HRH2: variants seen among roughly 807,000 people sequenced by gnomAD.
The protein encoded by HRH2 is histamine receptor H2.
HRH2 carries 4 observed loss-of-function variants against 20.1 expected under a neutral mutation model. The observed-to-expected ratio is 0.20, with a 90% CI of 0.10 to 0.45. The LOEUF (loss-of-function observed/expected upper bound fraction) is 0.45. Among genes scored for constraint, HRH2 ranks in the 20% least tolerant of loss-of-function variants. The pLI is 0.99. For missense variants in HRH2, 250 were observed against 461.6 expected, an observed-to-expected ratio of 0.54 and a Z score of 4.20; for synonymous variants, 197 against 200.7, an observed-to-expected ratio of 0.98 and a Z score of 0.16.
At chr5:175,660,928 C>T (rs1400955584) in intron 1 of HRH2, among the ~76,000 whole-genome samples, 7 of 152,100 alleles carry the variant, frequency 4.6e-5, no homozygotes, top group African/African-American at 1.7e-4. Context: ...TATTCCAAGA[C>T]TCCTCATTAC....
intron 2 of HRH2, among the ~76,000 whole-genome samples, chr5:175,695,462 A>G (rs1188208375): frequency 6.6e-6 from 1 of 152,094 alleles, no homozygotes; most frequent in African/African-American, 2.4e-5. Context: ...ACCCTTCCCT[A>G]TTGTTGCATC....
At chr5:175,664,877 ATCT>A (rs1409867529) in intron 1 of HRH2, among the ~76,000 whole-genome samples, 2 of 152,070 alleles carry the variant, frequency 1.3e-5, no homozygotes, top group Non-Finnish European at 2.9e-5. Flanking sequence ...GGCTCAAGAG[ATCT>A]TCTTGCCGTG....
intron 1 of HRH2, among the ~76,000 whole-genome samples, chr5:175,659,270 G>A (rs1257529454): frequency 6.6e-6 from 1 of 152,130 alleles, no homozygotes; most frequent in East Asian, 1.9e-4. Flanking sequence ...CAGCACCTCA[G>A]TTTCCTTATT....
chr5:175,658,232 C>T (rs1310999262), intron 1 of HRH2, 77 bp downstream of exon 1: 1 of 151,932 alleles, frequency 6.6e-6, no homozygotes, highest in Non-Finnish European at 1.5e-5. Context: ...CCGGCGTGGG[C>T]TGGCGGAGCC....
intron 1 of HRH2, among the ~76,000 whole-genome samples, chr5:175,667,077 A>G (rs1038789722): frequency 1.3e-5 from 2 of 152,116 alleles, no homozygotes; most frequent in African/African-American, 4.8e-5. Flanking sequence ...TATATTATAC[A>G]TACTATTTTG....
Position 175,683,632 on chromosome 5 carries a change from T to G in HRH2, c.399T>G (p.Val133=). The G allele has an allele frequency of 6.2e-7, 1 of 1,614,194 alleles. No individual in the cohort carries two copies. Among genetic ancestry groups the G allele is most frequent in the Non-Finnish European group, 8.5e-7 (1 of 1,180,042 alleles). ...PLRYPVLVTP[V]RVAISLVLIW... Reference sequence around the variant, plus strand: ...GGTACCCTGTGCTGGTCACCCCAGTTCGGGTCGCCATCTCTCTGGTCTTAA... The same window carrying G: ...GGTACCCTGTGCTGGTCACCCCAGTGCGGGTCGCCATCTCTCTGGTCTTAA... The change falls in exon 2 of 3, where the codon GTT becomes GTG. Residue 133 remains valine (V), a synonymous_variant. Transcript: ENST00000636584.
intron 1 of HRH2, among the ~76,000 whole-genome samples, chr5:175,675,216 G>C (rs1477933839): frequency 6.6e-6 from 1 of 152,208 alleles, no homozygotes; most frequent in Non-Finnish European, 1.5e-5. Context: ...CTGTCATGAA[G>C]TAAGCATTCT....
At chr5:175,662,022 A>AAAATAAAT (rs60453819) in intron 1 of HRH2, among the ~76,000 whole-genome samples, 124 of 150,560 alleles carry the variant, frequency 8.2e-4, no homozygotes, top group African/African-American at 2.7e-3. Flanking sequence ...TCTGTCTCAA[A>AAAATAAAT]AAATAAATAA....
intron 2 of HRH2, among the ~76,000 whole-genome samples, chr5:175,685,039 G>GAGAGAGGAA (rs1425204167): frequency 6.6e-6 from 1 of 152,194 alleles, no homozygotes; most frequent in Non-Finnish European, 1.5e-5. Context: ...ACTGACTCAT[G>GAGAGAGGAA]AGAGAGGAAA....
At chr5:175,696,615 G>A (rs1756588375) in intron 2 of HRH2, among the ~76,000 whole-genome samples, 1 of 152,220 alleles carries the variant, frequency 6.6e-6, no homozygotes, top group Admixed American at 6.5e-5. Context: ...CGGTTTTATT[G>A]CCAGCAATCC....
chr5:175,690,713 G>A (rs950792232), intron 2 of HRH2, among the ~76,000 whole-genome samples: 4 of 151,662 alleles, frequency 2.6e-5, no homozygotes, highest in East Asian at 1.9e-4. Context: ...GCATTTCATC[G>A]CCCCCCAAAA....
intron 2 of HRH2, among the ~76,000 whole-genome samples, chr5:175,702,569 T>TG (rs1756819664): frequency 6.9e-6 from 1 of 145,754 alleles, no homozygotes; most frequent in Non-Finnish European, 1.5e-5. Flanking sequence ...TTTTTTTTTT[T>TG]GAGACGGAGT....
intron 2 of HRH2, among the ~76,000 whole-genome samples, chr5:175,707,463 G>A (rs576282442): frequency 1.3e-5 from 2 of 152,074 alleles, no homozygotes; most frequent in African/African-American, 2.4e-5. Flanking sequence ...AACAAAAATC[G>A]TGAATTGGAT....
chr5:175,663,604 G>C (rs139878338), intron 1 of HRH2, among the ~76,000 whole-genome samples: 1 of 152,088 alleles, frequency 6.6e-6, no homozygotes, highest in Non-Finnish European at 1.5e-5. Flanking sequence ...CTCCTCACTC[G>C]GCTCTAGCCA....
At chr5:175,662,709 A>G (rs889161415) in intron 1 of HRH2, among the ~76,000 whole-genome samples, 1 of 152,166 alleles carries the variant, frequency 6.6e-6, no homozygotes, top group Non-Finnish European at 1.5e-5. Flanking sequence ...AATTCAAATG[A>G]CAAGTCCATA....
intron 1 of HRH2, among the ~76,000 whole-genome samples, chr5:175,661,837 TGGTG>T (rs1299630390): frequency 6.6e-6 from 1 of 151,992 alleles, no homozygotes; most frequent in Non-Finnish European, 1.5e-5. Flanking sequence ...CTGGCTAATA[TGGTG>T]AAACCCTGTC....
At chr5:175,669,824 G>A (rs1183836743) in intron 1 of HRH2, among the ~76,000 whole-genome samples, 2 of 152,190 alleles carry the variant, frequency 1.3e-5, no homozygotes, top group Admixed American at 1.3e-4. Context: ...CCACGATTAT[G>A]TTCACATCAG....
At chr5:175,701,058 G>A (rs1756775050) in intron 2 of HRH2, among the ~76,000 whole-genome samples, 1 of 152,200 alleles carries the variant, frequency 6.6e-6, no homozygotes, top group Admixed American at 6.5e-5. Context: ...GATAAGCAGT[G>A]GAGGGAAATG....
chr5:175,676,483 C>A (rs886225378), intron 1 of HRH2, among the ~76,000 whole-genome samples: 1 of 152,222 alleles, frequency 6.6e-6, no homozygotes, highest in Non-Finnish European at 1.5e-5. Flanking sequence ...ACACCCTGTT[C>A]CTGTGTATCC....
Sources: gnomAD v4.1 joint callset for allele counts (sites outside exome capture counted in the v4.1 genomes callset) on GRCh38, gnomAD v4.1.1 for gene constraint, MANE v1.5 for transcripts, NCBI Gene and HGNC (gene_info 2026-07-23, HGNC 2026-07-21) for gene names.